The following ARAP2 variants were observed in gnomAD, a reference collection of about 807,000 sequenced individuals.
The protein encoded by ARAP2 is arf-GAP with Rho-GAP domain, ANK repeat and PH domain-containing protein 2.
Under a neutral mutation model 194.5 loss-of-function variants are expected in ARAP2, and 148 were observed. The observed-to-expected ratio is 0.76, with a 90% CI of 0.67 to 0.87. The LOEUF (loss-of-function observed/expected upper bound fraction) is 0.87. ARAP2 is among the 40% of genes least tolerant of loss of function. The pLI, the probability that ARAP2 is intolerant of heterozygous loss-of-function variation, is 0.00. For synonymous variants in ARAP2, 695 were observed against 683.5 expected (o/e 1.02, Z -0.26); for missense variants, 2,128 against 1,989.7 (o/e 1.07, Z -1.32).
chr4:36,044,839 C>A (rs1337199440), intron 5 of ARAP2, among the ~76,000 whole-genome samples: 3 of 151,698 alleles, frequency 2.0e-5, no homozygotes, highest in Non-Finnish European at 4.4e-5. Flanking sequence ...CAAACTCAAA[C>A]TACTCAATAA....
chr4:36,042,846 CT>C (rs35695121), intron 5 of ARAP2, among the ~76,000 whole-genome samples: 35 of 124,642 alleles, frequency 2.8e-4, no homozygotes, highest in African/African-American at 5.3e-4. Context: ...TTTTTTTCTT[CT>C]TTTTTTTTTT....
intron 10 of ARAP2, among the ~76,000 whole-genome samples, chr4:36,165,915 A>G (rs1735185046): frequency 6.6e-6 from 1 of 152,172 alleles, no homozygotes; most frequent in Non-Finnish European, 1.5e-5. Flanking sequence ...CAGCTAACAT[A>G]TTCTAAATAA....
intron 5 of ARAP2, among the ~76,000 whole-genome samples, chr4:36,037,670 G>A (rs747889679): frequency 2.5e-4 from 38 of 152,068 alleles, no homozygotes; most frequent in Non-Finnish European, 4.7e-4. Flanking sequence ...AGGACTGGAG[G>A]GAGGGGCTGG....
intron 19 of ARAP2, among the ~76,000 whole-genome samples, chr4:36,144,727 T>C (rs1390839305): frequency 1.3e-5 from 2 of 151,838 alleles, no homozygotes; most frequent in Non-Finnish European, 2.9e-5. Flanking sequence ...AATGAAGGCT[T>C]ATTTAGCTAT....
At position 36,160,453 on chromosome 4, in the gene ARAP2, G is replaced by T; in HGVS notation, c.2442+6C>A. 5 of 1,534,110 alleles carry T rather than the reference G, an allele frequency of 3.3e-6. No individual in the cohort carries two copies. The highest frequency in any genetic ancestry group is 2.4e-5 in the East Asian group (1 of 41,086). The stretch of plus-strand genomic sequence containing the variant: ...TCCACGTCTGCTGTTATGTTTAATT[G>T]AATACCTTATTTAATTCTTCTTTGG... On this transcript the variant is annotated splice_donor_region_variant and intron_variant, in intron 13 of 32. Coordinates refer to ENST00000303965, the MANE Select transcript of ARAP2 (RefSeq NM_015230.4).
At chr4:36,226,496 A>C (rs1395116767) in intron 2 of ARAP2, among the ~76,000 whole-genome samples, 1 of 152,030 alleles carries the variant, frequency 6.6e-6, no homozygotes, top group Non-Finnish European at 1.5e-5. Context: ...TGTTAAAAAA[A>C]CGTATCTTTT....
intron 31 of ARAP2, 51 bp downstream of exon 31, chr4:36,080,165 C>G: frequency 6.8e-7 from 1 of 1,478,614 alleles, no homozygotes; most frequent in Non-Finnish European, 9.4e-7. Context: ...CTAACATTTC[C>G]TGTAAACAAA....
intron 32 of ARAP2, 78 bp downstream of exon 32, chr4:36,073,611 A>G (rs1727552359): frequency 1.3e-6 from 2 of 1,490,692 alleles, no homozygotes; most frequent in Non-Finnish European, 1.8e-6. Context: ...CAATGAAGTA[A>G]TTAATGACCT....
intron 14 of ARAP2, 77 bp from the exon 15 acceptor site, chr4:36,158,941 A>T (rs1733259492): frequency 7.7e-7 from 1 of 1,297,592 alleles, no homozygotes; most frequent in Admixed American, 2.8e-5. Context: ...TATGTACATG[A>T]GTTTTGAGCT....
chr4:36,043,137 C>T (rs1477161944), intron 5 of ARAP2, among the ~76,000 whole-genome samples: 1 of 152,174 alleles, frequency 6.6e-6, no homozygotes, highest in African/African-American at 2.4e-5. Context: ...GCCACCCCAC[C>T]TGCACTCTCT....
In ARAP2 at chr4:36,177,729, G is replaced by T; in HGVS notation, c.1857+98C>A. On this transcript the variant is annotated intron_variant, in intron 9 of 32. Transcript: ENST00000303965. ...AGTGGAGTACACAATGCTAAAACAA[G>T]ACTCTATAAGTAAAATCACTAATAA... is the stretch of plus-strand genomic sequence containing the variant. The T allele has an allele frequency of 4.8e-6, 6 of 1,257,134 alleles. No individual in the cohort carries two copies. In the South Asian group the frequency reaches 5.5e-5, roughly 11 times the overall value. 77.9% of individuals were successfully genotyped at this position (1,257,134 alleles called of 1,614,324 possible). A position where few individuals can be genotyped will look rare whatever the true frequency, so the allele number is the denominator to read the frequency against.
chr4:36,224,168 T>TA (rs796629649), intron 2 of ARAP2, among the ~76,000 whole-genome samples: 58 of 135,428 alleles, frequency 4.3e-4, no homozygotes, highest in African/African-American at 1.3e-3. Context: ...GGCAGCCAAA[T>TA]AAAAAAAGAA....
intron 21 of ARAP2, among the ~76,000 whole-genome samples, chr4:36,126,937 A>G (rs1477089234): frequency 1.2e-4 from 19 of 152,052 alleles, no homozygotes; most frequent in Admixed American, 1.2e-3. Flanking sequence ...TCCTGGGCTC[A>G]TGTGATCCTC....
intron 2 of ARAP2, among the ~76,000 whole-genome samples, chr4:36,227,350 C>T (rs886956548): frequency 6.6e-6 from 1 of 152,142 alleles, no homozygotes; most frequent in Non-Finnish European, 1.5e-5. Context: ...ATACATGACA[C>T]TATATTGATT....
intron 31 of ARAP2, among the ~76,000 whole-genome samples, chr4:36,079,725 T>C (rs1000181463): frequency 6.6e-6 from 1 of 152,162 alleles, no homozygotes; most frequent in African/African-American, 2.4e-5. Context: ...AAAAACATCT[T>C]GTATGGTTTG....
At chr4:36,130,948 A>G (rs1371056046) in intron 20 of ARAP2, among the ~76,000 whole-genome samples, 1 of 151,896 alleles carries the variant, frequency 6.6e-6, no homozygotes, top group African/African-American at 2.4e-5. Flanking sequence ...TATATAACTG[A>G]AATAATTTTC....
chr4:36,140,307 T>C (rs1727995660), intron 19 of ARAP2, among the ~76,000 whole-genome samples: 2 of 151,734 alleles, frequency 1.3e-5, no homozygotes, highest in South Asian at 4.1e-4. Flanking sequence ...AAGCAAATAA[T>C]ACACGTTTTA....
chr4:36,160,703 G>A, intron 12 of ARAP2, 62 bp from the exon 13 acceptor site: 4 of 1,251,092 alleles, frequency 3.2e-6, no homozygotes, highest in East Asian at 3.0e-5. Flanking sequence ...TGAATCTGCA[G>A]GAAACTGAAT....
At chr4:36,228,288 C>A (rs1164668287) in intron 2 of ARAP2, among the ~76,000 whole-genome samples, 3 of 152,040 alleles carry the variant, frequency 2.0e-5, no homozygotes, top group Non-Finnish European at 2.9e-5. Context: ...GGAAAGACTA[C>A]AATACTAGGT....
Sources: gnomAD v4.1 joint callset for allele counts (sites outside exome capture counted in the v4.1 genomes callset) on GRCh38, gnomAD v4.1.1 for gene constraint, MANE v1.5 for transcripts, NCBI Gene and HGNC (gene_info 2026-07-23, HGNC 2026-07-21) for gene names.